The following ADCY7 variants were observed in gnomAD, a reference collection of about 807,000 sequenced individuals.
The protein encoded by ADCY7 is adenylate cyclase 7, also known as adenylate cyclase type 7.
Under a neutral mutation model 120.6 loss-of-function variants are expected in ADCY7, and 72 were observed. The observed-to-expected ratio is 0.60, with a 90% CI of 0.49 to 0.73. The LOEUF (loss-of-function observed/expected upper bound fraction) is 0.73, where lower values mean the gene tolerates loss of function less well. Ranked by LOEUF, ADCY7 falls within the 30% of genes least tolerant of loss-of-function variation. The pLI, the probability that ADCY7 is intolerant of heterozygous loss-of-function variation, is 0.00. For missense variants in ADCY7, 1,227 were observed against 1,486.0 expected, an observed-to-expected ratio of 0.83 and a Z score of 2.87; for synonymous variants, 661 against 628.0, an observed-to-expected ratio of 1.05 and a Z score of -0.78.
intron 1 of ADCY7, among the ~76,000 whole-genome samples, chr16:50,252,132 G>GT (rs374849500): frequency 1.6e-4 from 24 of 152,114 alleles, no homozygotes; most frequent in East Asian, 5.8e-4. Flanking sequence ...CCGGGCTGCT[G>GT]TTTTTTTTCC....
chr16:50,268,547 T>C (rs995227518), intron 1 of ADCY7, among the ~76,000 whole-genome samples: 1 of 152,194 alleles, frequency 6.6e-6, no homozygotes, highest in Non-Finnish European at 1.5e-5. Context: ...ATTACAAGCA[T>C]GAGCCCGACG....
Position 50,297,848 on chromosome 16 carries a change from G to A in ADCY7, c.949-1056G>A, listed in dbSNP as rs535584444. 9.8e-5 allele frequency among the ~76,000 whole-genome samples: 15 copies of A among 152,298 alleles called. No individual in the cohort carries two copies. The East Asian group carries it at 2.7e-3, about 28-fold the overall frequency. Reference sequence around the variant, plus strand: ...AGAGCACAGGGCCACCTGCTGGGGCGTCCAGTCCGAGGGTCAGCTGAGTGG... The same window carrying A: ...AGAGCACAGGGCCACCTGCTGGGGCATCCAGTCCGAGGGTCAGCTGAGTGG... On this transcript the variant is annotated intron_variant, in intron 7 of 25. Transcript: ENST00000673801. This position sits in a 1 kb window ranked among gnomAD's most constrained non-coding sequence, Gnocchi z 4.4.
intron 9 of ADCY7, 46 bp from the exon 10 acceptor site, chr16:50,301,036 G>A (rs2035684312): frequency 6.2e-7 from 1 of 1,601,630 alleles, no homozygotes; most frequent in African/African-American, 1.3e-5. Flanking sequence ...GTGGATGCCA[G>A]CCCTCTCTGG....
chr16:50,290,219 T>G lies in ADCY7; in HGVS notation c.172-238T>G, dbSNP rs184013124. Among the ~76,000 whole-genome samples, 275 of 152,246 alleles carry G rather than the reference T, an allele frequency of 1.8e-3. 3 individuals carry two copies. Among genetic ancestry groups the G allele is most frequent in the African/African-American group, 6.4e-3 (264 of 41,540 alleles). Reference sequence around the variant, plus strand: ...AGGCAGATGGAGAGTGATGGCATCATGGGCGGGGCTGTGGGTGATGCTCTG... The same window carrying G: ...AGGCAGATGGAGAGTGATGGCATCAGGGGCGGGGCTGTGGGTGATGCTCTG... On this transcript the variant is annotated intron_variant, in intron 2 of 25. Coordinates refer to ENST00000673801, the MANE Select transcript of ADCY7 (RefSeq NM_001114.5).
At chr16:50,290,754 C>A in intron 3 of ADCY7, 94 bp downstream of exon 3, 1 of 1,371,704 alleles carries the variant, frequency 7.3e-7, no homozygotes, top group Non-Finnish European at 1.0e-6. Context: ...GTGCCCCACG[C>A]TTGGCTGTGT....
chr16:50,260,803 C>T (rs1430794930), intron 1 of ADCY7, among the ~76,000 whole-genome samples: 1 of 152,162 alleles, frequency 6.6e-6, no homozygotes, highest in African/African-American at 2.4e-5. Context: ...CTTGAGTGTC[C>T]TCGAGCCATG....
Position 50,288,209 on chromosome 16 carries a change from C to G in ADCY7, c.30C>G (p.Asn10Lys). The part of the protein sequence containing the change: MPAKGRYFL[N>K]EGEEGPDQDA... ...CAGCCAAGGGGCGCTACTTCCTCAACGAGGGCGAGGAGGGCCCTGACCAAG... is the reference window on the plus strand; with the variant it reads ...CAGCCAAGGGGCGCTACTTCCTCAAGGAGGGCGAGGAGGGCCCTGACCAAG... The change falls in exon 2 of 26, where the codon AAC becomes AAG. Residue 10 changes from asparagine to lysine, a missense_variant. Physicochemically the swap from Asn to Lys is moderately conservative, Grantham distance 94. This residue lies in a region of ADCY7 where 382 missense variants were observed against 411.4 expected (regional missense o/e 0.93). Transcript: ENST00000673801. 6.4e-7 allele frequency: 1 copy of G among 1,551,000 alleles called. No individual in the cohort carries two copies. Among genetic ancestry groups the G allele is most frequent in the Non-Finnish European group, 8.7e-7 (1 of 1,146,766 alleles).
chr16:50,300,598 G>C (rs1023260047), intron 8 of ADCY7, 117 bp from the exon 9 acceptor site: 6 of 1,247,116 alleles, frequency 4.8e-6, no homozygotes, highest in Middle Eastern at 4.7e-4. Flanking sequence ...ATTCTCTCCC[G>C]TGGGCTGAGC....
intron 1 of ADCY7, among the ~76,000 whole-genome samples, chr16:50,268,742 C>A (rs62028325): frequency 0.13 from 19,886 of 152,046 alleles, 1,537 homozygotes; most frequent in Non-Finnish European, 0.18. Context: ...TGGAGTGTGG[C>A]CTCTGGACAG....
chr16:50,282,023 C>T (rs757125249), intron 1 of ADCY7, among the ~76,000 whole-genome samples: 3 of 152,166 alleles, frequency 2.0e-5, no homozygotes, highest in Non-Finnish European at 2.9e-5. Flanking sequence ...AGGGTGTGGG[C>T]CCAGGGGCCT....
At position 50,300,746 on chromosome 16, in the gene ADCY7, A is replaced by G; in HGVS notation, c.1108A>G (p.Asn370Asp). 2 of 1,552,148 alleles carry G rather than the reference A, an allele frequency of 1.3e-6. No homozygotes were observed. The highest frequency in any genetic ancestry group is 1.2e-5 in the South Asian group (1 of 84,084). The change falls in exon 9 of 26, where the codon AAC becomes GAC. Residue 370 changes from asparagine (N) to aspartate (D), a missense_variant. Around this residue, in one of 5 missense-constraint regions of ADCY7, gnomAD observed 332 missense variants for 455.8 expected, o/e 0.73. Coordinates refer to ENST00000673801, the MANE Select transcript of ADCY7 (RefSeq NM_001114.5). The stretch of plus-strand genomic sequence containing the variant: ...GCGGGAGGCCACGGGCGTGGACATC[A>G]ACATGCGTGTGGGCATACACTCGGG... ...QVREATGVDI[N>D]MRVGIHSGNV... is the part of the protein sequence containing the mutation.
At chr16:50,278,766 C>T (rs1369437407) in intron 1 of ADCY7, among the ~76,000 whole-genome samples, 1 of 152,106 alleles carries the variant, frequency 6.6e-6, no homozygotes. Flanking sequence ...ATACTAGCAG[C>T]CTAAGAGTTA....
chr16:50,304,161 G>A (rs2035909326), intron 10 of ADCY7, among the ~76,000 whole-genome samples, 199 bp from the exon 11 acceptor site: 1 of 152,202 alleles, frequency 6.6e-6, no homozygotes, highest in Non-Finnish European at 1.5e-5. Context: ...GCCTCAGAGT[G>A]CACCAGGCTT....
At chr16:50,303,392 T>C (rs2035860433) in intron 10 of ADCY7, among the ~76,000 whole-genome samples, 1 of 152,206 alleles carries the variant, frequency 6.6e-6, no homozygotes, top group Non-Finnish European at 1.5e-5. Flanking sequence ...TGCTTGTAGC[T>C]GTGGAGGCTT....
chr16:50,250,369 A>G (rs943962605), intron 1 of ADCY7, among the ~76,000 whole-genome samples: 1 of 151,214 alleles, frequency 6.6e-6, no homozygotes, highest in Admixed American at 6.6e-5. Context: ...AGGCAGGAGA[A>G]TCGCTTGAAC....
chr16:50,309,409 G>A, intron 17 of ADCY7, 139 bp from the exon 18 acceptor site: 1 of 659,728 alleles, frequency 1.5e-6, no homozygotes, highest in Non-Finnish European at 2.6e-6. Context: ...ACGGCGGCTT[G>A]AGCCGTGCTC....
chr16:50,314,935 T>C (rs2036720058), intron 24 of ADCY7, 79 bp from the exon 25 acceptor site: 17 of 1,574,724 alleles, frequency 1.1e-5, no homozygotes, highest in Non-Finnish European at 1.5e-5. Flanking sequence ...TGCTGGGGTA[T>C]GGATTCTCTG....
At chr16:50,263,386 G>A (rs892913109), upstream of ADCY7, among the ~76,000 whole-genome samples, 3 of 152,152 alleles carry the variant, frequency 2.0e-5, no homozygotes, top group East Asian at 1.9e-4. Flanking sequence ...GGCTGCAGCA[G>A]GGAAGAGACT....
Position 50,316,172 on chromosome 16 carries a change from T to C in ADCY7, c.*667T>C, listed in dbSNP as rs1441854685. The C allele has an allele frequency of 6.6e-6, 1 of 152,574 alleles. No homozygotes were observed. The highest frequency in any genetic ancestry group is 6.5e-5 in the Admixed American group (1 of 15,290). 9.5% of individuals were successfully genotyped at this position (152,574 alleles called of 1,614,324 possible). ...TTTCAGACACTAGACATAAATCTCT[T>C]CCCTCCAGTGTATGCTCTGCCTTTT... On this transcript the variant is annotated 3_prime_UTR_variant, in exon 26 of 26. Transcript: ENST00000673801.
Sources: gnomAD v4.1 joint callset for allele counts (sites outside exome capture counted in the v4.1 genomes callset) on GRCh38, gnomAD v4.1.1 for gene constraint, gnomAD v4.1.1 regional missense constraint, Gnocchi (gnomAD v3.1) non-coding constraint, MANE v1.5 for transcripts, NCBI Gene and HGNC (gene_info 2026-07-23, HGNC 2026-07-21) for gene names.